Variants in CFAP100 observed in about 807,000 individuals in gnomAD.
CFAP100 encodes cilia and flagella associated protein 100.
Under a neutral mutation model 81.5 loss-of-function variants are expected in CFAP100, and 70 were observed. That is an observed-to-expected ratio of 0.86 (90% CI 0.71 to 1.05). CFAP100 has a LOEUF of 1.05. Ranked by LOEUF, CFAP100 falls within the 50% of genes least tolerant of loss-of-function variation. The probability of loss-of-function intolerance (pLI) is 0.00; values close to 1 mark genes in which losing one functional copy is unlikely to be tolerated. For missense variants in CFAP100, 811 were observed against 776.5 expected, an observed-to-expected ratio of 1.04 and a Z score of -0.53; for synonymous variants, 341 against 314.8, an observed-to-expected ratio of 1.08 and a Z score of -0.88.
In CFAP100 at chr3:126,416,495, C is replaced by T; in HGVS notation, c.405C>T (p.Leu135=). ...TCCGCGACTACACGACCTGGAAGCT[C>T]ACCTTGACCAAAGGTGCGTCCCCTC... The part of the protein sequence containing the change: ...RAFRDYTTWK[L]TLTKEKNVEP... The change falls in exon 5 of 17, where the codon CTC becomes CTT. Residue 135 remains leucine (L), a synonymous_variant. Transcript: ENST00000352312. 1.3e-6 allele frequency: 2 copies of T among 1,593,814 alleles called. No individual in the cohort carries two copies. Among genetic ancestry groups the T allele is most frequent in the Middle Eastern group, 1.7e-4 (1 of 5,990 alleles).
Position 126,418,439 on chromosome 3 carries a change from C to G in CFAP100, c.419-19C>G, listed in dbSNP as rs2107605433. The G allele has an allele frequency of 6.2e-7, 1 of 1,613,614 alleles. No individual in the cohort carries two copies. On this transcript the variant is annotated intron_variant, in intron 5 of 16. Coordinates refer to ENST00000352312, the MANE Select transcript of CFAP100 (RefSeq NM_182628.3). ...GCCTGGGCTTCCCGCTCCTGCTCAC[C>G]TCCCTCTTCTTCCAGCAGAAAAGAA...
chr3:126,428,271 C>G (rs1933039239), intron 13 of CFAP100, among the ~76,000 whole-genome samples: 1 of 152,136 alleles, frequency 6.6e-6, no homozygotes, highest in Non-Finnish European at 1.5e-5. Context: ...AAGGCTATAC[C>G]CTGTATGATT....
chr3:126,434,950 G>A (rs555615114), intron 15 of CFAP100, among the ~76,000 whole-genome samples: 2 of 152,098 alleles, frequency 1.3e-5, no homozygotes, highest in Admixed American at 6.5e-5. Context: ...GCTATCTGTC[G>A]GGACACCAGC....
chr3:126,421,953 C>T (rs1330880685), intron 11 of CFAP100, among the ~76,000 whole-genome samples: 1 of 152,258 alleles, frequency 6.6e-6, no homozygotes, highest in Non-Finnish European at 1.5e-5. Flanking sequence ...CCGCCTAGGG[C>T]TCCCTCAGCC....
chr3:126,426,727 T>C (rs542345914), intron 13 of CFAP100, among the ~76,000 whole-genome samples: 72 of 152,280 alleles, frequency 4.7e-4, no homozygotes, highest in Middle Eastern at 6.8e-3. Context: ...TCCAGCCTGG[T>C]GACAGAGGAA....
chr3:126,406,406 T>C (rs2083064689), intron 2 of CFAP100, among the ~76,000 whole-genome samples: 1 of 152,138 alleles, frequency 6.6e-6, no homozygotes, highest in South Asian at 2.1e-4. Context: ...ACTGGCACCC[T>C]GAGCAGCCCA....
At chr3:126,424,624 G>A (rs1301097179) in intron 13 of CFAP100, among the ~76,000 whole-genome samples, 1 of 152,244 alleles carries the variant, frequency 6.6e-6, no homozygotes, top group Non-Finnish European at 1.5e-5. Flanking sequence ...ATCCGTTCTG[G>A]GTCAGGCCTG....
At chr3:126,407,044 G>A (rs2083073878) in intron 2 of CFAP100, 128 bp from the exon 3 acceptor site, 2 of 577,346 alleles carry the variant, frequency 3.5e-6, no homozygotes, top group Non-Finnish European at 6.3e-6. Flanking sequence ...AGAGCCCTCA[G>A]TCTCACAGGG....
At chr3:126,396,961 C>T (rs1333389396) in intron 2 of CFAP100, among the ~76,000 whole-genome samples, 1 of 152,232 alleles carries the variant, frequency 6.6e-6, no homozygotes, top group Non-Finnish European at 1.5e-5. Flanking sequence ...GCCTCTCCCA[C>T]CCTGTCAAAG....
rs536971490 is a variant in CFAP100 at position 126,433,623 on chromosome 3, G to A, written c.1422+419G>A. The A allele has an allele frequency of 7.5e-4, 150 of 198,966 alleles. 2 individuals are homozygous for A. In the East Asian group the frequency reaches 0.019, roughly 25 times the overall value. The allele number at this position is 198,966 out of a possible 1,614,324, so 12.3% of individuals were successfully genotyped here. A position where few individuals can be genotyped will look rare whatever the true frequency, so the allele number is the denominator to read the frequency against. ...GCCCGCTCCCAACCTGACAGCCTGG[G>A]GCCACCCCGGGCATGGGATGGCTTC... is the stretch of plus-strand genomic sequence containing the variant. On this transcript the variant is annotated intron_variant, in intron 14 of 16. Coordinates refer to ENST00000352312, the MANE Select transcript of CFAP100 (RefSeq NM_182628.3).
chr3:126,404,788 C>T (rs2083037911), intron 2 of CFAP100, among the ~76,000 whole-genome samples: 1 of 152,136 alleles, frequency 6.6e-6, no homozygotes, highest in Non-Finnish European at 1.5e-5. Context: ...GATTCTCCTG[C>T]CTCAGCCTCC....
rs962780073 is a variant in CFAP100 at position 126,416,569 on chromosome 3, G to C, written c.418+61G>C. Reference sequence around the variant, plus strand: ...TGGCGTCCCACAACCGCAGCTCAGGGGGCGCGCCTGGAACCTCCGTGCCAC... The same window carrying C: ...TGGCGTCCCACAACCGCAGCTCAGGCGGCGCGCCTGGAACCTCCGTGCCAC... On this transcript the variant is annotated intron_variant, in intron 5 of 16. Coordinates refer to ENST00000352312, the MANE Select transcript of CFAP100 (RefSeq NM_182628.3). 18 of 1,378,040 alleles carry C rather than the reference G, an allele frequency of 1.3e-5. No individual in the cohort carries two copies. In the African/African-American group the frequency reaches 2.2e-4, roughly 17 times the overall value. The allele number at this position is 1,378,040 out of a possible 1,614,324, so 85.4% of individuals were successfully genotyped here. A position where few individuals can be genotyped will look rare whatever the true frequency, so the allele number is the denominator to read the frequency against.
rs1417338079 is a variant in CFAP100, at chr3:126,418,183, G to T, written c.419-275G>T. 5 of 456,872 alleles carry T rather than the reference G, an allele frequency of 1.1e-5. No individual in the cohort carries two copies. In the Admixed American group the frequency reaches 1.5e-4, roughly 14 times the overall value. The allele number at this position is 456,872 out of a possible 1,614,324, so 28.3% of individuals were successfully genotyped here. On this transcript the variant is annotated intron_variant, in intron 5 of 16. Coordinates refer to ENST00000352312, the MANE Select transcript of CFAP100 (RefSeq NM_182628.3). ...TGGGGTGTCCAGAGCCTTACTGCAA[G>T]TGAGTGCTACAGCAAGAAAGGCGCA...
intron 11 of CFAP100, among the ~76,000 whole-genome samples, chr3:126,421,864 A>G (rs143894883): frequency 7.9e-4 from 120 of 152,370 alleles, no homozygotes; most frequent in African/African-American, 2.6e-3. Flanking sequence ...GTTGCCCACC[A>G]TGACGCCCTG....
chr3:126,411,361 G>GT (rs58954079), intron 3 of CFAP100, among the ~76,000 whole-genome samples: 8,374 of 35,264 alleles, frequency 0.24, 2,975 homozygotes, highest in East Asian at 0.66. Flanking sequence ...GTTGTTGTTG[G>GT]TTTTTTTTTT....
chr3:126,421,285 T>G (rs1183051707), intron 11 of CFAP100, among the ~76,000 whole-genome samples: 1 of 152,236 alleles, frequency 6.6e-6, no homozygotes, highest in Non-Finnish European at 1.5e-5. Flanking sequence ...ATTACAGGCA[T>G]GAGCCACTAC....
chr3:126,423,738 C>T (rs2083370545), intron 13 of CFAP100, 94 bp downstream of exon 13: 9 of 1,468,574 alleles, frequency 6.1e-6, no homozygotes, highest in Non-Finnish European at 7.5e-6. Flanking sequence ...ACAGCCCACA[C>T]CCGTCCGTGG....
Position 126,422,488 on chromosome 3 carries a change from G to GC in CFAP100, c.1083-829dup, listed in dbSNP as rs35529379. 9.0e-3 allele frequency among the ~76,000 whole-genome samples: 1,364 copies of GC among 151,994 alleles called. 19 individuals carry two copies. Among genetic ancestry groups the GC allele is most frequent in the African/African-American group, 0.023 (968 of 41,450 alleles). The stretch of plus-strand genomic sequence containing the variant: ...GAGGTGCCTGGGGCAAGCCAGCGCA[G>GC]CCCCCCCCACCTCAGTCAGCAGGAC... On this transcript the variant is annotated intron_variant, in intron 11 of 16. Coordinates refer to ENST00000352312, the MANE Select transcript of CFAP100 (RefSeq NM_182628.3).
At chr3:126,406,179 G>A (rs995164719) in intron 2 of CFAP100, among the ~76,000 whole-genome samples, 1 of 152,122 alleles carries the variant, frequency 6.6e-6, no homozygotes, top group Non-Finnish European at 1.5e-5. Flanking sequence ...TATGGATTCT[G>A]TGTGGCCCCG....
Sources: gnomAD v4.1 joint callset for allele counts (sites outside exome capture counted in the v4.1 genomes callset) on GRCh38, gnomAD v4.1.1 for gene constraint, MANE v1.5 for transcripts, NCBI Gene and HGNC (gene_info 2026-07-23, HGNC 2026-07-21) for gene names.